Variants in KCNJ3 observed in about 807,000 individuals in gnomAD.
KCNJ3 encodes potassium inwardly rectifying channel subfamily J member 3, also known as G protein-activated inward rectifier potassium channel 1.
KCNJ3 carries 4 observed loss-of-function variants against 39.2 expected under a neutral mutation model. The ratio of observed to expected loss-of-function variants is 0.10; its 90% CI spans 0.05 to 0.23. The LOEUF (loss-of-function observed/expected upper bound fraction) is 0.23, where lower values mean the gene tolerates loss of function less well. Among genes scored for constraint, KCNJ3 ranks in the 10% least tolerant of loss-of-function variants. The pLI is 1.00. For missense variants in KCNJ3, 276 were observed against 634.9 expected (o/e 0.43, Z 6.08); for synonymous variants, 230 against 237.4 (o/e 0.97, Z 0.29).
At chr2:154,838,672 C>G (rs939956034) in intron 2 of KCNJ3, among the ~76,000 whole-genome samples, 12 of 152,054 alleles carry the variant, frequency 7.9e-5, no homozygotes, top group Admixed American at 6.6e-4. Context: ...ATTTTTATTA[C>G]CTATTTAAAT....
intron 2 of KCNJ3, among the ~76,000 whole-genome samples, chr2:154,814,070 A>G (rs567957466): frequency 6.6e-4 from 101 of 152,276 alleles, no homozygotes; most frequent in African/African-American, 2.4e-3. Context: ...GTCTCATCAC[A>G]TTCTCTCCTA....
chr2:154,845,436 G>T (rs912365426), intron 2 of KCNJ3, among the ~76,000 whole-genome samples: 1 of 152,022 alleles, frequency 6.6e-6, no homozygotes, highest in Admixed American at 6.6e-5. Context: ...TATCTTTTCC[G>T]ATACCAGTCT....
intron 2 of KCNJ3, among the ~76,000 whole-genome samples, chr2:154,848,925 G>C (rs1455468399): frequency 6.6e-6 from 1 of 152,158 alleles, no homozygotes; most frequent in Non-Finnish European, 1.5e-5. Context: ...CTTGACCACA[G>C]AATCACAGAC....
chr2:154,857,173 A>G lies in KCNJ3; in HGVS notation c.*1860A>G, dbSNP rs1200744637. 1 of 152,144 alleles carries G rather than the reference A, an allele frequency of 6.6e-6. No homozygotes were observed. Among genetic ancestry groups the G allele is most frequent in the African/African-American group, 2.4e-5 (1 of 41,430 alleles). 9.4% of individuals were successfully genotyped at this position (152,144 alleles called of 1,614,324 possible). On this transcript the variant is annotated 3_prime_UTR_variant, in exon 3 of 3. Transcript: ENST00000295101. ...GAATGGAGCAAATTGCCCTATACCC[A>G]TTGATAACCTAGCTTTCTTAGTTTG...
At chr2:154,794,898 C>T (rs1574465177) in intron 2 of KCNJ3, among the ~76,000 whole-genome samples, 1 of 151,898 alleles carries the variant, frequency 6.6e-6, no homozygotes, top group East Asian at 1.9e-4. Flanking sequence ...AAGCCTACTA[C>T]TCGTGTTAAC....
At chr2:154,793,574 A>T (rs1686672954) in intron 2 of KCNJ3, among the ~76,000 whole-genome samples, 2 of 152,050 alleles carry the variant, frequency 1.3e-5, no homozygotes. Context: ...TTCTTCAAAA[A>T]ATATTCCTTA....
intron 2 of KCNJ3, among the ~76,000 whole-genome samples, chr2:154,816,876 A>G (rs938902300): frequency 1.3e-5 from 2 of 152,176 alleles, no homozygotes; most frequent in African/African-American, 4.8e-5. Context: ...TAGCCCTTCT[A>G]TCCTTATCGC....
At chr2:154,844,600 C>T (rs2937599) in intron 2 of KCNJ3, among the ~76,000 whole-genome samples, 30,259 of 152,138 alleles carry the variant, frequency 0.2, 3,364 homozygotes, top group East Asian at 0.4. Context: ...TGGTGGGCTC[C>T]GCCCAGTTCA....
intron 2 of KCNJ3, among the ~76,000 whole-genome samples, chr2:154,803,999 A>G (rs1381161235): frequency 6.6e-6 from 1 of 152,084 alleles, no homozygotes; most frequent in Non-Finnish European, 1.5e-5. Flanking sequence ...AAGTTTTTCA[A>G]GCTTATTTTT....
chr2:154,836,102 C>T (rs1184982360), intron 2 of KCNJ3, among the ~76,000 whole-genome samples: 3 of 151,058 alleles, frequency 2.0e-5, no homozygotes, highest in South Asian at 2.1e-4. Flanking sequence ...CCCAGCTACT[C>T]GGGAGGCTGA....
intron 2 of KCNJ3, among the ~76,000 whole-genome samples, chr2:154,760,718 A>C (rs1001634081): frequency 1.6e-5 from 2 of 127,872 alleles, no homozygotes; most frequent in African/African-American, 3.0e-5. Context: ...CACCCTGGCT[A>C]TTTTTTTCTT....
At chr2:154,740,064 T>C (rs1685625796) in intron 2 of KCNJ3, among the ~76,000 whole-genome samples, 1 of 151,962 alleles carries the variant, frequency 6.6e-6, no homozygotes, top group South Asian at 2.1e-4. Context: ...AAACATAAAC[T>C]CCCCAGGTAA....
chr2:154,774,428 C>G (rs1686297236), intron 2 of KCNJ3, among the ~76,000 whole-genome samples: 1 of 151,884 alleles, frequency 6.6e-6, no homozygotes, highest in South Asian at 2.1e-4. Context: ...AGAAGGGTAA[C>G]TGTAACATAT....
At chr2:154,823,667 A>G (rs552054755) in intron 2 of KCNJ3, among the ~76,000 whole-genome samples, 2 of 152,124 alleles carry the variant, frequency 1.3e-5, no homozygotes, top group Non-Finnish European at 2.9e-5. Context: ...AACTCACTTC[A>G]TATATTGCCT....
chr2:154,757,490 C>T (rs919205193), intron 2 of KCNJ3, among the ~76,000 whole-genome samples: 1 of 151,900 alleles, frequency 6.6e-6, no homozygotes, highest in Non-Finnish European at 1.5e-5. Flanking sequence ...CCATATCTCC[C>T]CATTCTATAT....
chr2:154,730,277 T>C (rs1389716605), intron 2 of KCNJ3, among the ~76,000 whole-genome samples: 1 of 151,952 alleles, frequency 6.6e-6, no homozygotes, highest in African/African-American at 2.4e-5. Context: ...AAAAATTGAG[T>C]AGTTTTAGTT....
intron 2 of KCNJ3, among the ~76,000 whole-genome samples, chr2:154,773,920 A>G (rs1686286336): frequency 6.6e-6 from 1 of 152,082 alleles, no homozygotes; most frequent in Non-Finnish European, 1.5e-5. Context: ...TTACTATCCA[A>G]CTTTAATACC....
chr2:154,769,062 C>T (rs144838774), intron 2 of KCNJ3, among the ~76,000 whole-genome samples: 15,351 of 152,188 alleles, frequency 0.1, 838 homozygotes, highest in East Asian at 0.19. Context: ...GCTGAAGTTG[C>T]TTTTCAGCTT....
intron 2 of KCNJ3, among the ~76,000 whole-genome samples, chr2:154,755,906 T>C (rs1467509394): frequency 6.6e-6 from 1 of 152,096 alleles, no homozygotes; most frequent in Non-Finnish European, 1.5e-5. Context: ...ATGTGTGAAA[T>C]AGGGATAGTT....
Sources: gnomAD v4.1 joint callset for allele counts (sites outside exome capture counted in the v4.1 genomes callset) on GRCh38, gnomAD v4.1.1 for gene constraint, MANE v1.5 for transcripts, NCBI Gene and HGNC (gene_info 2026-07-23, HGNC 2026-07-21) for gene names.